HNRNPM: variants seen among roughly 807,000 people sequenced by gnomAD.
HNRNPM encodes the protein CEA receptor.
Under a neutral mutation model 73.1 loss-of-function variants are expected in HNRNPM, and 11 were observed. That is an observed-to-expected ratio of 0.15 (90% CI 0.09 to 0.25). The LOEUF is 0.25. Among genes scored for constraint, HNRNPM ranks in the 10% least tolerant of loss-of-function variants. The pLI, the probability that HNRNPM is intolerant of heterozygous loss-of-function variation, is 1.00. For synonymous variants in HNRNPM, 407 were observed against 355.2 expected, an observed-to-expected ratio of 1.15 and a Z score of -1.64; for missense variants, 789 against 1,067.9, an observed-to-expected ratio of 0.74 and a Z score of 3.64.
In HNRNPM at chr19:8,445,095, G is replaced by T. The variant is rs1363036231; in HGVS notation, c.97G>T (p.Ala33Ser). 1.4e-6 allele frequency: 2 copies of T among 1,421,146 alleles called. No individual in the cohort carries two copies. Among genetic ancestry groups the T allele is most frequent in the Non-Finnish European group, 1.8e-6 (2 of 1,087,072 alleles). 88.0% of individuals were successfully genotyped at this position (1,421,146 alleles called of 1,614,324 possible). Reference sequence around the variant, plus strand: ...GCCCGGCGTGCCGAGCGGCAACGGGGCTCCGGGCCCTAAGGGGTGAGTATC... The same window carrying T: ...GCCCGGCGTGCCGAGCGGCAACGGGTCTCCGGGCCCTAAGGGGTGAGTATC... ...GAPGVPSGNG[A>S]PGPKGEGERP... The change falls in exon 1 of 16, where the codon GCT becomes TCT. Residue 33 changes from alanine (A) to serine (S), a missense_variant. Ala to Ser is a moderately conservative substitution (Grantham distance 99, BLOSUM62 1). This residue lies in a region of HNRNPM where 79 missense variants were observed against 70.7 expected (regional missense o/e 1.12). Transcript: ENST00000325495.
intron 12 of HNRNPM, among the ~76,000 whole-genome samples, chr19:8,481,789 C>T (rs941913455): frequency 3.3e-5 from 5 of 152,120 alleles, no homozygotes; most frequent in Admixed American, 6.5e-5. Flanking sequence ...AAGCCAGCCT[C>T]GGCTCAGGCA....
At chr19:8,488,208 C>G (rs903572304) in intron 15 of HNRNPM, 7 of 152,698 alleles carry the variant, frequency 4.6e-5, no homozygotes, top group African/African-American at 1.7e-4. Flanking sequence ...CTTTGGTACT[C>G]CTGGAGTAGA....
At position 8,489,103 on chromosome 19, in the gene HNRNPM, G is replaced by C. The variant is rs878969398; in HGVS notation, c.*249G>C. The C allele has an allele frequency of 2.5e-6, 1 of 393,388 alleles. No homozygotes were observed. The highest frequency in any genetic ancestry group is 4.7e-6 in the Non-Finnish European group (1 of 212,336). 24.4% of individuals were successfully genotyped at this position (393,388 alleles called of 1,614,324 possible). Reference sequence around the variant, plus strand: ...GAATATGACTTTGATAATAAATACCGGTTCCTGAAAACGGCCTGCTTGTGT... The same window carrying C: ...GAATATGACTTTGATAATAAATACCCGTTCCTGAAAACGGCCTGCTTGTGT... On this transcript the variant is annotated 3_prime_UTR_variant, in exon 16 of 16. Transcript: ENST00000325495.
At chr19:8,477,653 C>G (rs922496569) in intron 12 of HNRNPM, among the ~76,000 whole-genome samples, 7 of 118,588 alleles carry the variant, frequency 5.9e-5, no homozygotes, top group African/African-American at 2.6e-4. Flanking sequence ...AGAGTGAAAC[C>G]CTGTCTCAAA....
chr19:8,472,920 T>G (rs1365742980), intron 10 of HNRNPM, among the ~76,000 whole-genome samples: 1 of 152,216 alleles, frequency 6.6e-6, no homozygotes. Flanking sequence ...TTCTGTTCCC[T>G]AAAATTTTCT....
intron 1 of HNRNPM, among the ~76,000 whole-genome samples, chr19:8,453,086 C>T (rs1217922878): frequency 6.6e-6 from 1 of 152,256 alleles, no homozygotes; most frequent in African/African-American, 2.4e-5. Flanking sequence ...CTGCCTTGAC[C>T]TCCCAAAGTG....
intron 15 of HNRNPM, chr19:8,488,114 G>GC (rs1428040541): frequency 6.6e-6 from 1 of 152,376 alleles, no homozygotes; most frequent in African/African-American, 2.4e-5. Context: ...CTCAGAACTT[G>GC]CCCCTGAGGA....
rs912215063 is a variant in HNRNPM at position 8,488,937 on chromosome 19, G to A, written c.*83G>A. ...AACCATTTTAATTTGTTGGCTGGAT[G>A]TATAAAGATGTTTAAAAAATTCAGT... On this transcript the variant is annotated 3_prime_UTR_variant, in exon 16 of 16. Coordinates refer to ENST00000325495, the MANE Select transcript of HNRNPM (RefSeq NM_005968.5). 1.8e-5 allele frequency: 22 copies of A among 1,243,082 alleles called. No homozygotes were observed. The highest frequency in any genetic ancestry group is 2.2e-5 in the Non-Finnish European group (20 of 897,544). 77.0% of individuals were successfully genotyped at this position (1,243,082 alleles called of 1,614,324 possible). A position where few individuals can be genotyped will look rare whatever the true frequency, so the allele number is the denominator to read the frequency against.
chr19:8,455,859 C>CTTCG (rs1316056263), intron 2 of HNRNPM, among the ~76,000 whole-genome samples: 2 of 149,712 alleles, frequency 1.3e-5, no homozygotes, highest in Admixed American at 6.7e-5. Flanking sequence ...GTTAATAAGG[C>CTTCG]TTCGATTAGG....
chr19:8,478,298 TTGG>T (rs1260031955), intron 12 of HNRNPM, among the ~76,000 whole-genome samples: 11 of 152,324 alleles, frequency 7.2e-5, no homozygotes, highest in Admixed American at 3.3e-4. Context: ...ACATGCTGAC[TTGG>T]TGGTGGCTGT....
chr19:8,453,343 G>T (rs1385429773), intron 1 of HNRNPM, among the ~76,000 whole-genome samples: 1 of 151,606 alleles, frequency 6.6e-6, no homozygotes, highest in East Asian at 2.0e-4. Context: ...GTTTCAGCAT[G>T]TTGGCCAGGC....
intron 12 of HNRNPM, among the ~76,000 whole-genome samples, chr19:8,476,021 C>T (rs1970479788): frequency 6.6e-6 from 1 of 150,412 alleles, no homozygotes; most frequent in African/African-American, 2.4e-5. Flanking sequence ...GATGGGTTGG[C>T]CTGGGAGCTG....
chr19:8,467,226 G>C (rs1377504393), intron 7 of HNRNPM, among the ~76,000 whole-genome samples: 1 of 152,186 alleles, frequency 6.6e-6, no homozygotes, highest in Non-Finnish European at 1.5e-5. Context: ...GATAGTGGTA[G>C]ATGCCTGGCC....
intron 1 of HNRNPM, among the ~76,000 whole-genome samples, chr19:8,453,286 A>G (rs1968757062): frequency 2.0e-5 from 3 of 152,080 alleles, no homozygotes; most frequent in Admixed American, 2.0e-4. Context: ...GATTGCAGGC[A>G]TGTGCCACCA....
intron 2 of HNRNPM, among the ~76,000 whole-genome samples, chr19:8,458,136 C>T (rs767436125): frequency 1.4e-4 from 21 of 150,678 alleles, no homozygotes; most frequent in Non-Finnish European, 1.5e-5. Flanking sequence ...TAAGGATACT[C>T]CGGGGGGAGA....
intron 1 of HNRNPM, among the ~76,000 whole-genome samples, chr19:8,449,190 A>G (rs1968440444): frequency 6.6e-6 from 1 of 152,228 alleles, no homozygotes; most frequent in Non-Finnish European, 1.5e-5. Context: ...GATTATTTGA[A>G]TGCATGCTGC....
chr19:8,474,714 CTT>C (rs59543782), intron 12 of HNRNPM, among the ~76,000 whole-genome samples: 2,695 of 117,830 alleles, frequency 0.023, 36 homozygotes, highest in African/African-American at 0.039. Flanking sequence ...CCTCCACCAA[CTT>C]TTTTTTTTTT....
chr19:8,451,599 G>A (rs371012085), intron 1 of HNRNPM, among the ~76,000 whole-genome samples: 4 of 152,248 alleles, frequency 2.6e-5, no homozygotes, highest in African/African-American at 9.6e-5. Context: ...GTGTAGTGGT[G>A]CAATCATGGC....
chr19:8,471,518 A>G (rs1599808760), intron 10 of HNRNPM, 91 bp downstream of exon 10: 1 of 577,142 alleles, frequency 1.7e-6, no homozygotes, highest in East Asian at 3.3e-5. Context: ...TTTAAATGGA[A>G]TAAATATTTA....
Sources: allele counts gnomAD v4.1 joint callset (sites outside exome capture counted in the v4.1 genomes callset), GRCh38; gene constraint gnomAD v4.1.1; regional missense constraint gnomAD v4.1.1; transcripts MANE v1.5; gene names NCBI Gene and HGNC (gene_info 2026-07-23, HGNC 2026-07-21).